KMT2C: variants seen among roughly 807,000 people sequenced by gnomAD.
KMT2C encodes the protein histone-lysine N-methyltransferase 2C.
In KMT2C, 88 loss-of-function variants were observed where a neutral mutation model predicts 507.9. That is an observed-to-expected ratio of 0.17 (90% confidence interval 0.15 to 0.21). The LOEUF (loss-of-function observed/expected upper bound fraction) is 0.21. Among genes scored for constraint, KMT2C ranks in the 10% least tolerant of loss-of-function variants. The pLI is 1.00. For missense variants in KMT2C, 4,954 were observed against 5,957.8 expected, an observed-to-expected ratio of 0.83 and a Z score of 5.55; for synonymous variants, 2,049 against 2,080.8, an observed-to-expected ratio of 0.98 and a Z score of 0.42.
At chr7:152,414,634 T>G (rs2097715864) in intron 1 of KMT2C, among the ~76,000 whole-genome samples, 1 of 151,954 alleles carries the variant, frequency 6.6e-6, no homozygotes, top group Non-Finnish European at 1.5e-5. Context: ...TAGCTGGGAT[T>G]ACAGGCGCCC....
At chr7:152,221,582 T>C (rs2094774022) in intron 22 of KMT2C, among the ~76,000 whole-genome samples, 1 of 152,220 alleles carries the variant, frequency 6.6e-6, no homozygotes, top group South Asian at 2.1e-4. Context: ...AATACAAATA[T>C]TCAAAAGAAT....
intron 24 of KMT2C, among the ~76,000 whole-genome samples, chr7:152,206,252 C>G (rs1001226478): frequency 6.0e-5 from 9 of 151,060 alleles, no homozygotes; most frequent in African/African-American, 2.2e-4. Flanking sequence ...ATGGGTCCCT[C>G]AATTAGAGGG....
At chr7:152,368,599 A>G (rs2097266652) in intron 1 of KMT2C, 1 of 1,429,104 alleles carries the variant, frequency 7.0e-7, no homozygotes, top group Non-Finnish European at 9.7e-7. Context: ...TCAACAACAT[A>G]TTTTAGAACA....
In KMT2C at chr7:152,190,613, A is replaced by G. The variant is rs140384351; in HGVS notation, c.4661-2766T>C. 9.9e-4 allele frequency among the ~76,000 whole-genome samples: 150 copies of G among 152,190 alleles called. 1 individual carries two copies. Among genetic ancestry groups the G allele is most frequent in the Middle Eastern group, 3.4e-3 (1 of 294 alleles). Reference sequence around the variant, plus strand: ...GGTCTTTTTTTTTTCCAAGTCTACCATATCTACCCAAACTAGTCATATTAG... The same window carrying G: ...GGTCTTTTTTTTTTCCAAGTCTACCGTATCTACCCAAACTAGTCATATTAG... On this transcript the variant is annotated intron_variant, in intron 31 of 58. Coordinates refer to ENST00000262189, the MANE Select transcript of KMT2C (RefSeq NM_170606.3).
rs12670394 is a variant in KMT2C at position 152,142,754 on chromosome 7, G to T, written c.14343+1959C>A. 3.1e-4 allele frequency among the ~76,000 whole-genome samples: 47 copies of T among 152,294 alleles called. No individual in the cohort carries two copies. In the East Asian group the frequency reaches 7.7e-3, roughly 25 times the overall value. On this transcript the variant is annotated intron_variant, in intron 55 of 58. Transcript: ENST00000262189. ...TGGAACATCAGGTAACCATTCAAAA[G>T]AATGAAATGAAGCTACGTCAGTTGA...
intron 6 of KMT2C, among the ~76,000 whole-genome samples, chr7:152,297,055 C>CAGACAGACAGACAGAGAGAGAG (rs1315629061): frequency 3.6e-5 from 3 of 84,436 alleles, no homozygotes; most frequent in Non-Finnish European, 6.8e-5. Flanking sequence ...GAAAGAAAGA[C>CAGACAGACAGACAGAGAGAGAG]AGAGAGAGAG....
rs2091889300 is a variant in KMT2C, at chr7:152,154,369, C to G, written c.12037G>C (p.Val4013Leu). ...AGATCTGGATACCTGCTCACTTCTA[C>G]CCCAACCACACTCTCAGGAGAGGAT... ...PSSSPESVVG[V>L]EVSRYPDLSL... Residue 4013 changes from valine (V) to leucine (L), a missense_variant, in exon 47 of 59, where the codon GTA becomes CTA. Val to Leu is a conservative substitution (Grantham distance 32). Around this residue, in one of 29 missense-constraint regions of KMT2C, gnomAD observed 6 missense variants for 23.3 expected, o/e 0.26. Transcript: ENST00000262189. 5.0e-6 allele frequency: 8 copies of G among 1,614,108 alleles called. No homozygotes were observed. The highest frequency in any genetic ancestry group is 6.8e-6 in the Non-Finnish European group (8 of 1,179,990).
Position 152,156,202 on chromosome 7 carries a change from T to C in KMT2C, c.11812+3A>G. On this transcript the variant is annotated splice_donor_region_variant and intron_variant, in intron 45 of 58. Coordinates refer to ENST00000262189, the MANE Select transcript of KMT2C (RefSeq NM_170606.3). ...GTGTGAAATTTGGAGGCTATAATCA[T>C]ACCTTCATGGCTCACTAACACTCCG... is the stretch of plus-strand genomic sequence containing the variant. The C allele has an allele frequency of 6.2e-7, 1 of 1,613,964 alleles. No homozygotes were observed. The highest frequency in any genetic ancestry group is 1.7e-5 in the Admixed American group (1 of 60,014).
intron 20 of KMT2C, 135 bp downstream of exon 20, chr7:152,223,880 G>A (rs1341556834): frequency 3.2e-6 from 2 of 628,844 alleles, no homozygotes; most frequent in African/African-American, 3.8e-5. Flanking sequence ...AAGTTTCTAG[G>A]TGACTAAAAA....
chr7:152,152,615 G>A (rs577314339), intron 49 of KMT2C, 90 bp downstream of exon 49: 77 of 1,470,696 alleles, frequency 5.2e-5, no homozygotes, highest in East Asian at 3.6e-4. Context: ...TTACCTGTCC[G>A]TTGTTAAAAG....
Position 152,385,611 on chromosome 7 carries a change from C to CAAAAAAAA in KMT2C, c.162-26944_162-26937dup, listed in dbSNP as rs1160527130. Among the ~76,000 whole-genome samples, 135 of 19,448 alleles carry CAAAAAAAA rather than the reference C, an allele frequency of 6.9e-3. 19 individuals carry two copies. The highest frequency in any genetic ancestry group is 0.045 in the Middle Eastern group (1 of 22). The allele number at this position is 19,448 out of a possible 152,430, so 12.8% of individuals were successfully genotyped here. ...TGGGCGACAGAGCGAGACTCCGTCT[C>CAAAAAAAA]AAAAAAAAAAAAAAAAAAAAAAAAA... is the stretch of plus-strand genomic sequence containing the variant. On this transcript the variant is annotated intron_variant, in intron 1 of 58. Transcript: ENST00000262189.
chr7:152,193,471 C>T (rs2129128418), intron 31 of KMT2C, among the ~76,000 whole-genome samples: 1 of 152,296 alleles, frequency 6.6e-6, no homozygotes, highest in Non-Finnish European at 1.5e-5. Context: ...TACTCTGTGG[C>T]AGGGCATATA....
intron 6 of KMT2C, among the ~76,000 whole-genome samples, chr7:152,283,761 A>AC (rs1425174930): frequency 6.6e-6 from 1 of 152,162 alleles, no homozygotes; most frequent in Non-Finnish European, 1.5e-5. Flanking sequence ...GATTTCCAGT[A>AC]CCTGCCAACT....
intron 2 of KMT2C, 102 bp from the exon 3 acceptor site, chr7:152,330,841 C>T: frequency 9.4e-7 from 1 of 1,059,374 alleles, no homozygotes; most frequent in South Asian, 1.5e-5. Context: ...TAAAAAGAAA[C>T]AACAAATAAC....
chr7:152,377,105 T>G, intron 1 of KMT2C, among the ~76,000 whole-genome samples: 1 of 152,426 alleles, frequency 6.6e-6, no homozygotes, highest in East Asian at 1.9e-4. Context: ...AAGCTAATGC[T>G]CATTTGCCAC....
chr7:152,326,321 T>C (rs973638106), intron 3 of KMT2C, among the ~76,000 whole-genome samples: 1 of 152,220 alleles, frequency 6.6e-6, no homozygotes, highest in African/African-American at 2.4e-5. Flanking sequence ...GTGAGTATTA[T>C]ACTGCTATTA....
At chr7:152,219,203 C>G (rs1193928195) in intron 23 of KMT2C, among the ~76,000 whole-genome samples, 4 of 152,162 alleles carry the variant, frequency 2.6e-5, no homozygotes, top group Non-Finnish European at 4.4e-5. Flanking sequence ...CTCCTGACCA[C>G]AAGTGATCTA....
In KMT2C at chr7:152,152,801, G is replaced by A. The variant is rs148110224; in HGVS notation, c.12430C>T (p.Leu4144Phe). Residue 4144 changes from leucine to phenylalanine, a missense_variant, in exon 49 of 59, where the codon CTC (leucine) becomes TTC (phenylalanine). Leu to Phe is a conservative substitution (Grantham distance 22, BLOSUM62 0). This residue lies in a region of KMT2C where 417 missense variants were observed against 461.1 expected (regional missense o/e 0.90). Coordinates refer to ENST00000262189, the MANE Select transcript of KMT2C (RefSeq NM_170606.3). Reference sequence around the variant, plus strand: ...GCAGATCCTGGCGGAGGCCCACGGAGAAGTAAATGCTGTCGATACTCCAAA... The same window carrying A: ...GCAGATCCTGGCGGAGGCCCACGGAAAAGTAAATGCTGTCGATACTCCAAA... ...PGLEYRQHLLLRGPPPGSANP... is the reference protein window; with the variant it reads ...PGLEYRQHLLFRGPPPGSANP... The A allele has an allele frequency of 1.2e-5, 19 of 1,614,188 alleles. No homozygotes were observed. In the South Asian group the frequency reaches 1.5e-4, roughly 13 times the overall value.
chr7:152,390,204 CTAAAA>C (rs2097480353), intron 1 of KMT2C, among the ~76,000 whole-genome samples: 1 of 151,580 alleles, frequency 6.6e-6, no homozygotes, highest in Non-Finnish European at 1.5e-5. Flanking sequence ...CCCCCTGAAT[CTAAAA>C]TAAAATAAAT....
Sources: gnomAD v4.1 joint callset for allele counts (sites outside exome capture counted in the v4.1 genomes callset) on GRCh38, gnomAD v4.1.1 for gene constraint, gnomAD v4.1.1 regional missense constraint, MANE v1.5 for transcripts, NCBI Gene and HGNC (gene_info 2026-07-23, HGNC 2026-07-21) for gene names.